MAD1L1: variants seen among roughly 807,000 people sequenced by gnomAD.
MAD1L1 encodes mitotic spindle assembly checkpoint protein MAD1.
A neutral mutation model predicts 96.9 loss-of-function variants in MAD1L1; 95 were observed. That is an observed-to-expected ratio of 0.98 (90% CI 0.83 to 1.16). MAD1L1 has a LOEUF of 1.16. MAD1L1 is among the 50% of genes most tolerant of loss of function. The pLI is 0.00. For missense variants in MAD1L1, 1,007 were observed against 954.4 expected (o/e 1.06, Z -0.73); for synonymous variants, 473 against 396.6 (o/e 1.19, Z -2.29).
intron 10 of MAD1L1, among the ~76,000 whole-genome samples, chr7:2,197,460 C>T (rs796266498): frequency 2.0e-5 from 3 of 152,140 alleles, no homozygotes; most frequent in South Asian, 4.1e-4. Context: ...TCTCCTCACT[C>T]CTCCTCTCAT....
chr7:1,863,817 G>A (rs1054075753), intron 18 of MAD1L1, among the ~76,000 whole-genome samples: 9 of 152,178 alleles, frequency 5.9e-5, no homozygotes, highest in East Asian at 1.9e-4. Context: ...GGCCAGGCGC[G>A]GTGGCTCCTG....
intron 18 of MAD1L1, among the ~76,000 whole-genome samples, chr7:1,826,100 G>T (rs34957940): frequency 0.028 from 4,247 of 152,268 alleles, 66 homozygotes; most frequent in Middle Eastern, 0.041. Context: ...TGGTGCTACC[G>T]TGGTCTACGC....
At chr7:1,819,974 C>G (rs1782040065) in intron 18 of MAD1L1, among the ~76,000 whole-genome samples, 1 of 152,072 alleles carries the variant, frequency 6.6e-6, no homozygotes, top group African/African-American at 2.4e-5. Flanking sequence ...ACAAGGAAAG[C>G]TGAAATAATG....
intron 18 of MAD1L1, among the ~76,000 whole-genome samples, chr7:1,832,638 G>GA (rs59541259): frequency 0.2 from 4,209 of 20,936 alleles, 1,338 homozygotes; most frequent in Non-Finnish European, 0.34. Context: ...TTTGGCGGGG[G>GA]GGGGGGGGGT....
chr7:2,195,920 C>T (rs544070519), intron 10 of MAD1L1, among the ~76,000 whole-genome samples: 2 of 152,284 alleles, frequency 1.3e-5, no homozygotes, highest in African/African-American at 2.4e-5. Flanking sequence ...CATGCCCGCA[C>T]ATGTGCTGAG....
chr7:1,946,973 G>A (rs553612463), intron 16 of MAD1L1, among the ~76,000 whole-genome samples: 22 of 152,302 alleles, frequency 1.4e-4, no homozygotes, highest in African/African-American at 3.4e-4. Flanking sequence ...GGGGGCTGGC[G>A]TTGGCTCCAT....
chr7:1,882,557 T>A (rs1785750352), intron 18 of MAD1L1, among the ~76,000 whole-genome samples: 2 of 152,170 alleles, frequency 1.3e-5, no homozygotes, highest in Admixed American at 1.3e-4. Context: ...GGTGGCCTTG[T>A]CAGTTAACTA....
At chr7:1,852,906 C>G (rs1299483766) in intron 18 of MAD1L1, among the ~76,000 whole-genome samples, 1 of 152,112 alleles carries the variant, frequency 6.6e-6, no homozygotes, top group East Asian at 1.9e-4. Flanking sequence ...GCCGCTGTCC[C>G]TGGAGCCCAT....
chr7:1,893,048 C>G (rs1362181135), intron 18 of MAD1L1, among the ~76,000 whole-genome samples: 1 of 152,194 alleles, frequency 6.6e-6, no homozygotes, highest in Non-Finnish European at 1.5e-5. Context: ...AGCTGAGCCT[C>G]CCCGCTCCAG....
intron 18 of MAD1L1, among the ~76,000 whole-genome samples, chr7:1,865,017 G>T (rs1474370481): frequency 1.3e-5 from 2 of 152,070 alleles, no homozygotes; most frequent in Admixed American, 1.3e-4. Context: ...TACCACGCCC[G>T]CAGCTCAAGT....
intron 12 of MAD1L1, among the ~76,000 whole-genome samples, chr7:2,015,853 CCTT>C (rs1782516346): frequency 1.3e-5 from 2 of 152,194 alleles, no homozygotes; most frequent in Admixed American, 6.5e-5. Flanking sequence ...GGGAATCTGC[CCTT>C]CTAACATGTG....
At chr7:2,162,369 T>C (rs2128589343) in intron 10 of MAD1L1, among the ~76,000 whole-genome samples, 1 of 152,298 alleles carries the variant, frequency 6.6e-6, no homozygotes, top group African/African-American at 2.4e-5. Context: ...TGTGCTTTGT[T>C]AAACAGATGC....
chr7:2,049,543 G>A (rs572831699), intron 12 of MAD1L1, among the ~76,000 whole-genome samples: 1 of 152,306 alleles, frequency 6.6e-6, no homozygotes, highest in East Asian at 1.9e-4. Context: ...GGCGGTAGGA[G>A]GAAGGACTCA....
At chr7:2,118,567 G>C (rs1787828226) in intron 11 of MAD1L1, among the ~76,000 whole-genome samples, 1 of 152,236 alleles carries the variant, frequency 6.6e-6, no homozygotes, top group African/African-American at 2.4e-5. Flanking sequence ...TTTCTCCCCA[G>C]CAAGCACTAT....
intron 12 of MAD1L1, among the ~76,000 whole-genome samples, chr7:2,057,688 G>A (rs1382396865): frequency 1.3e-5 from 2 of 152,132 alleles, no homozygotes; most frequent in African/African-American, 2.4e-5. Context: ...AATCCACAGA[G>A]AATATCAGAA....
intron 17 of MAD1L1, among the ~76,000 whole-genome samples, chr7:1,908,315 C>A (rs1787803008): frequency 6.6e-6 from 1 of 152,216 alleles, no homozygotes; most frequent in East Asian, 1.9e-4. Context: ...CTCTACCTCA[C>A]CATCAGAGCT....
At chr7:2,216,783 T>G (rs62442481) in intron 7 of MAD1L1, among the ~76,000 whole-genome samples, 25,110 of 152,148 alleles carry the variant, frequency 0.17, 2,447 homozygotes, top group Middle Eastern at 0.27. Context: ...CATTAAAAAT[T>G]AAAGTCATTG....
intron 11 of MAD1L1, among the ~76,000 whole-genome samples, chr7:2,074,892 G>A (rs1327099459): frequency 6.6e-6 from 1 of 152,234 alleles, no homozygotes; most frequent in Non-Finnish European, 1.5e-5. Context: ...GAGACAGGCG[G>A]TGTCAGAGCC....
chr7:2,052,172 G>A (rs1318619267), intron 12 of MAD1L1, among the ~76,000 whole-genome samples: 3 of 152,132 alleles, frequency 2.0e-5, no homozygotes, highest in African/African-American at 7.2e-5. Context: ...GGGTGACCAC[G>A]GACAAGGGCA....
Sources: gnomAD v4.1 joint callset for allele counts (sites outside exome capture counted in the v4.1 genomes callset) on GRCh38, gnomAD v4.1.1 for gene constraint, MANE v1.5 for transcripts, NCBI Gene and HGNC (gene_info 2026-07-23, HGNC 2026-07-21) for gene names.